Variants in TICRR observed in about 807,000 individuals in gnomAD.
TICRR encodes treslin.
In TICRR, 132 loss-of-function variants were observed where a neutral mutation model predicts 178.1. That is an observed-to-expected ratio of 0.74 (90% CI 0.64 to 0.86). The LOEUF is 0.86. TICRR is among the 40% of genes least tolerant of loss of function. The pLI is 0.00. For missense variants in TICRR, 2,587 were observed against 2,334.3 expected, an observed-to-expected ratio of 1.11 and a Z score of -2.23; for synonymous variants, 991 against 900.7, an observed-to-expected ratio of 1.10 and a Z score of -1.79.
chr15:89,611,283 T>A (rs1447578776), intron 15 of TICRR, among the ~76,000 whole-genome samples: 1 of 151,622 alleles, frequency 6.6e-6, no homozygotes, highest in Non-Finnish European at 1.5e-5. Flanking sequence ...TGGTTGACAA[T>A]TTTTTTTTCC....
At chr15:89,626,726 G>A (rs916840287) in intron 21 of TICRR, among the ~76,000 whole-genome samples, 4 of 152,124 alleles carry the variant, frequency 2.6e-5, no homozygotes, top group Admixed American at 1.3e-4. Context: ...CAAACCACAG[G>A]TACTTTGCAT....
chr15:89,609,667 G>A (rs1963228529), intron 15 of TICRR, among the ~76,000 whole-genome samples: 1 of 152,096 alleles, frequency 6.6e-6, no homozygotes, highest in Admixed American at 6.5e-5. Context: ...TAGAGACGGG[G>A]TTTCACCATG....
chr15:89,618,012 G>A (rs981455380), intron 16 of TICRR, 140 bp from the exon 17 acceptor site: 2 of 851,376 alleles, frequency 2.3e-6, no homozygotes, highest in Non-Finnish European at 3.9e-6. Flanking sequence ...CAATAATCAC[G>A]TATGAGAGCC....
chr15:89,625,259 C>A lies in TICRR; in HGVS notation c.4949C>A (p.Thr1650Asn). 1 of 1,613,300 alleles carries A rather than the reference C, an allele frequency of 6.2e-7. No homozygotes were observed. The highest frequency in any genetic ancestry group is 8.5e-7 in the Non-Finnish European group (1 of 1,179,312). Residue 1650 changes from threonine to asparagine, a missense_variant, in exon 20 of 22, where the codon ACC (threonine) becomes AAC (asparagine). Physicochemically the swap from Thr to Asn is moderately conservative, Grantham distance 65. Coordinates refer to ENST00000268138, the MANE Select transcript of TICRR (RefSeq NM_152259.4). The part of the protein sequence containing the change: ...QTYICQACTP[T>N]HGPSSTPSPF... ...TACATCTGCCAGGCCTGTACCCCCA[C>A]CCACGGCCCTTCTAGTACCCCCTCT...
chr15:89,604,715 GA>G (rs1236460783), intron 13 of TICRR, among the ~76,000 whole-genome samples: 1 of 138,966 alleles, frequency 7.2e-6, no homozygotes, highest in Admixed American at 8.0e-5. Context: ...AGGCTGCAAT[GA>G]ACTATGATGA....
At position 89,626,039 on chromosome 15, in the gene TICRR, C is replaced by A. The variant is rs1963518736; in HGVS notation, c.5580C>A (p.Ser1860=). The stretch of plus-strand genomic sequence containing the variant: ...TGCTGTTCCAGGGGAAAACACCTTC[C>A]TCTCAGAGCAAAGACCCCAGAGGTA... ...SPLLFQGKTP[S]SQSKDPRDED... Residue 1860 remains serine, a synonymous_variant, in exon 21 of 22, where the codon TCC becomes TCA. Coordinates refer to ENST00000268138, the MANE Select transcript of TICRR (RefSeq NM_152259.4). 1 of 1,613,844 alleles carries A rather than the reference C, an allele frequency of 6.2e-7. No individual in the cohort carries two copies. Among genetic ancestry groups the A allele is most frequent in the African/African-American group, 1.3e-5 (1 of 74,934 alleles).
chr15:89,625,535 G>T lies in TICRR; in HGVS notation c.5225G>T (p.Gly1742Val). The change falls in exon 20 of 22, where the codon GGA becomes GTA. Residue 1742 changes from glycine (G) to valine (V), a missense_variant. Physicochemically the swap from Gly to Val is moderately radical, Grantham distance 109. Transcript: ENST00000268138. ...ATCTTGGAGGATTTTGAGCTCGAGG[G>T]AGTGTGCCAGCTCCCAGACCAGTCG... ...TPILEDFELE[G>V]VCQLPDQSPP... 6.2e-7 allele frequency: 1 copy of T among 1,613,544 alleles called. No homozygotes were observed. The highest frequency in any genetic ancestry group is 1.1e-5 in the South Asian group (1 of 91,076).
intron 4 of TICRR, among the ~76,000 whole-genome samples, chr15:89,588,884 A>G (rs1962864901): frequency 6.6e-6 from 1 of 152,130 alleles, no homozygotes; most frequent in Non-Finnish European, 1.5e-5. Context: ...TGTGAGACTC[A>G]AAGCTGGATT....
chr15:89,587,381 G>T (rs901943837), intron 4 of TICRR, among the ~76,000 whole-genome samples: 2 of 152,054 alleles, frequency 1.3e-5, no homozygotes, highest in African/African-American at 4.8e-5. Context: ...AGAGATGATG[G>T]GAGTCATCAG....
Position 89,595,625 on chromosome 15 carries a change from T to C in TICRR, c.1900+14T>C. 1.2e-6 allele frequency: 2 copies of C among 1,601,690 alleles called. 1 individual carries two copies. Among genetic ancestry groups the C allele is most frequent in the South Asian group, 2.2e-5 (2 of 90,284 alleles). ...CTAAACCTAAAGGTATTCCTCTTAGTCTATAATTTACTCTTTTATACCCCG... is the reference window on the plus strand; with the variant it reads ...CTAAACCTAAAGGTATTCCTCTTAGCCTATAATTTACTCTTTTATACCCCG... On this transcript the variant is annotated intron_variant, in intron 7 of 21. Coordinates refer to ENST00000268138, the MANE Select transcript of TICRR (RefSeq NM_152259.4).
At chr15:89,619,571 GTCTCTTAAAGCTAATAGCT>G in intron 17 of TICRR, 118 bp from the exon 18 acceptor site, 1 of 859,694 alleles carries the variant, frequency 1.2e-6, no homozygotes. Context: ...CACTTCAGAA[GTCTCTTAAAGCTAATAGCT>G]TGCTGAATTT....
Position 89,575,694 on chromosome 15 carries a change from C to A in TICRR, c.108C>A (p.Cys36Ter), listed in dbSNP as rs754113315. The A allele has an allele frequency of 6.2e-7, 1 of 1,605,250 alleles. No individual in the cohort carries two copies. Among genetic ancestry groups the A allele is most frequent in the Non-Finnish European group, 8.5e-7 (1 of 1,177,292 alleles). Residue 36 changes from cysteine (C) to a stop codon, truncating the protein, a stop_gained, in exon 1 of 22, where the codon TGC becomes TGA. Coordinates refer to ENST00000268138, the MANE Select transcript of TICRR (RefSeq NM_152259.4). LOFTEE classifies it high-confidence loss of function. ...TGCGCCTCCTCACCTATCTGAGTTGCCGATTCGGCCTGGCCAGGGTCCACT... is the reference window on the plus strand; with the variant it reads ...TGCGCCTCCTCACCTATCTGAGTTGACGATTCGGCCTGGCCAGGGTCCACT... ...AALRLLTYLS[C>*]RFGLARVHWA...
intron 21 of TICRR, 101 bp downstream of exon 21, chr15:89,626,162 C>T: frequency 7.0e-7 from 1 of 1,432,150 alleles, no homozygotes; most frequent in Non-Finnish European, 9.5e-7. Context: ...CAGGGAGTGC[C>T]AAGTGTGGGA....
chr15:89,611,670 T>A lies in TICRR; in HGVS notation c.2869+2721T>A, dbSNP rs8038061. On this transcript the variant is annotated intron_variant, in intron 15 of 21. Coordinates refer to ENST00000268138, the MANE Select transcript of TICRR (RefSeq NM_152259.4). The stretch of plus-strand genomic sequence containing the variant: ...CCTCAGACTTTGTTCATTTTTTTTT[T>A]AATTATTTTTTCTTTCTGCTCAGGC... Among the ~76,000 whole-genome samples the A allele has an allele frequency of 4.5e-3, 681 of 152,126 alleles. 6 individuals carry two copies. Among genetic ancestry groups the A allele is most frequent in the Middle Eastern group, 0.017 (5 of 294 alleles).
chr15:89,580,664 T>A (rs1962708243), intron 1 of TICRR, among the ~76,000 whole-genome samples: 1 of 152,246 alleles, frequency 6.6e-6, no homozygotes, highest in Non-Finnish European at 1.5e-5. Flanking sequence ...TTTGTTTGTT[T>A]TTAATGCTGA....
Position 89,576,051 on chromosome 15 carries a change from C to T in TICRR, c.465C>T (p.Phe155=), listed in dbSNP as rs1320773436. Residue 155 remains phenylalanine (F), a synonymous_variant, in exon 1 of 22, where the codon TTC becomes TTT. Coordinates refer to ENST00000268138, the MANE Select transcript of TICRR (RefSeq NM_152259.4). The part of the protein sequence containing the change: ...AALGGLVNAV[F]LLAPCPHSQR... ...TCGGGGGCTTGGTGAACGCCGTCTTCCTCCTGGCCCCCTGTCCGCACTCGC... is the reference window on the plus strand; with the variant it reads ...TCGGGGGCTTGGTGAACGCCGTCTTTCTCCTGGCCCCCTGTCCGCACTCGC... 1.9e-6 allele frequency: 3 copies of T among 1,611,176 alleles called. No homozygotes were observed. The highest frequency in any genetic ancestry group is 4.5e-5 in the East Asian group (2 of 44,832).
In TICRR at chr15:89,595,502, T is replaced by TG; in HGVS notation, c.1793dup (p.Ser599GlnfsTer15). On this transcript the variant is annotated frameshift_variant, in exon 7 of 22. Coordinates refer to ENST00000268138, the MANE Select transcript of TICRR (RefSeq NM_152259.4). LOFTEE classifies it high-confidence loss of function. Reference sequence around the variant, plus strand: ...TGAAGGCCCAGAAGTTACATCCAGATGGCAGTCCGGATGTGGCTGGGGAGA... The same window carrying TG: ...TGAAGGCCCAGAAGTTACATCCAGATGGGCAGTCCGGATGTGGCTGGGGAGA... 1 of 1,613,928 alleles carries TG rather than the reference T, an allele frequency of 6.2e-7. No homozygotes were observed.
rs753494559 is a variant in TICRR at position 89,625,132 on chromosome 15, C to T, written c.4822C>T (p.Pro1608Ser). The T allele has an allele frequency of 6.2e-6, 10 of 1,613,808 alleles. No individual in the cohort carries two copies. Among genetic ancestry groups the T allele is most frequent in the Non-Finnish European group, 8.5e-6 (10 of 1,180,014 alleles). ...EESFLPALSMPRASRSLSKPE... is the reference protein window; with the variant it reads ...EESFLPALSMSRASRSLSKPE... ...GAGCTTCCTCCCTGCTCTCAGCATG[C>T]CCAGGGCCAGCAGGTCCTTAAGCAA... The change falls in exon 20 of 22, where the codon CCC becomes TCC. Residue 1608 changes from proline to serine, a missense_variant. Coordinates refer to ENST00000268138, the MANE Select transcript of TICRR (RefSeq NM_152259.4).
Position 89,596,157 on chromosome 15 carries a change from A to G in TICRR, c.1900+546A>G, listed in dbSNP as rs559607188. 2.6e-5 allele frequency among the ~76,000 whole-genome samples: 4 copies of G among 152,344 alleles called. No individual in the cohort carries two copies. In the East Asian group the frequency reaches 7.7e-4, roughly 29 times the overall value. The stretch of plus-strand genomic sequence containing the variant: ...GATTTTTGACAAAGATGCCCCAATA[A>G]TTCCGTGAGAAAGACATAATCTTTT... On this transcript the variant is annotated intron_variant, in intron 7 of 21. Transcript: ENST00000268138.
Sources: allele counts gnomAD v4.1 joint callset (sites outside exome capture counted in the v4.1 genomes callset), GRCh38; gene constraint gnomAD v4.1.1; transcripts MANE v1.5; gene names NCBI Gene and HGNC (gene_info 2026-07-23, HGNC 2026-07-21).